The following RBPJ variants were observed in gnomAD, a reference collection of about 807,000 sequenced individuals.
The protein encoded by RBPJ is recombination signal binding protein for immunoglobulin kappa J region.
A neutral mutation model predicts 67.8 loss-of-function variants in RBPJ; 9 were observed. That is an observed-to-expected ratio of 0.13 (90% confidence interval 0.08 to 0.23). The LOEUF (loss-of-function observed/expected upper bound fraction) is 0.23. Among genes scored for constraint, RBPJ ranks in the 10% least tolerant of loss-of-function variants. The pLI is 1.00. For synonymous variants in RBPJ, 198 were observed against 203.3 expected (o/e 0.97, Z 0.22); for missense variants, 305 against 595.6 (o/e 0.51, Z 5.08).
intron 7 of RBPJ, chr4:26,428,508 AC>A: frequency 2.1e-6 from 1 of 470,974 alleles, no homozygotes; most frequent in Non-Finnish European, 3.7e-6. Context: ...GAAGAGGGTA[AC>A]AGTTTCTACA....
At chr4:26,237,828 C>T (rs1036033047) in intron 1 of RBPJ, among the ~76,000 whole-genome samples, 1 of 152,182 alleles carries the variant, frequency 6.6e-6, no homozygotes, top group Non-Finnish European at 1.5e-5. Context: ...CAGCTTGACA[C>T]TTTGAGTTCC....
chr4:26,239,785 T>G (rs1300919582), intron 1 of RBPJ, among the ~76,000 whole-genome samples: 2 of 151,976 alleles, frequency 1.3e-5, no homozygotes, highest in East Asian at 3.9e-4. Context: ...GAGTTAAACT[T>G]TGTTTATGGG....
At chr4:26,163,747 C>T (rs1716150165) in intron 1 of RBPJ, 1 of 152,216 alleles carries the variant, frequency 6.6e-6, no homozygotes, top group Non-Finnish European at 1.5e-5. Context: ...AGTTAACCAA[C>T]TCCTTTACCA....
At chr4:26,408,075 A>C (rs188727070) in intron 3 of RBPJ, among the ~76,000 whole-genome samples, 4 of 151,736 alleles carry the variant, frequency 2.6e-5, no homozygotes, top group African/African-American at 7.3e-5. Flanking sequence ...GGGTTTCACT[A>C]TGCCGTCCAG....
chr4:26,153,791 T>A, the RBPJ span, among the ~76,000 whole-genome samples: 1 of 152,180 alleles, frequency 6.6e-6, no homozygotes. Flanking sequence ...GTGTTTTGAC[T>A]GCAACTCATA....
the RBPJ span, among the ~76,000 whole-genome samples, chr4:26,150,980 A>G: frequency 2.0e-5 from 3 of 152,348 alleles, no homozygotes; most frequent in African/African-American, 4.8e-5. Context: ...AATGGAAAAC[A>G]TGTTCCCCTA....
At chr4:26,152,565 A>G in the RBPJ span, among the ~76,000 whole-genome samples, 1 of 152,238 alleles carries the variant, frequency 6.6e-6, no homozygotes, top group East Asian at 1.9e-4. Context: ...TACTTTCTAC[A>G]TATTATCTTC....
At chr4:26,246,931 G>A (rs1227330913) in intron 1 of RBPJ, among the ~76,000 whole-genome samples, 1 of 149,006 alleles carries the variant, frequency 6.7e-6, no homozygotes, top group Non-Finnish European at 1.5e-5. Context: ...GTAGTTTCTA[G>A]AACTATAGAA....
rs1260553793 is a variant in RBPJ, at chr4:26,433,407, T to C, written c.*2400T>C. The C allele has an allele frequency of 1.3e-5, 2 of 152,210 alleles. No homozygotes were observed. Among genetic ancestry groups the C allele is most frequent in the African/African-American group, 4.8e-5 (2 of 41,438 alleles). The allele number at this position is 152,210 out of a possible 1,614,324, so 9.4% of individuals were successfully genotyped here. ...TTTGGTATTTAGTTAAGGAATCATATTAAATTAACCAATAACAAAAGAGAT... is the reference window on the plus strand; with the variant it reads ...TTTGGTATTTAGTTAAGGAATCATACTAAATTAACCAATAACAAAAGAGAT... On this transcript the variant is annotated 3_prime_UTR_variant, in exon 11 of 11. Coordinates refer to ENST00000355476, the MANE Select transcript of RBPJ (RefSeq NM_015874.6).
intron 1 of RBPJ, among the ~76,000 whole-genome samples, chr4:26,172,312 G>T (rs1716622173): frequency 6.6e-6 from 1 of 152,014 alleles, no homozygotes; most frequent in Admixed American, 6.6e-5. Context: ...AGAAAGAAAG[G>T]GATAGAAAAA....
intron 1 of RBPJ, among the ~76,000 whole-genome samples, chr4:26,255,314 G>A (rs1369198998): frequency 8.4e-6 from 1 of 118,942 alleles, no homozygotes; most frequent in African/African-American, 3.7e-5. Context: ...TGAGGCAGGA[G>A]AATGGCGTGA....
At chr4:26,364,598 C>CT (rs10939108) in intron 1 of RBPJ, among the ~76,000 whole-genome samples, 95 of 125,380 alleles carry the variant, frequency 7.6e-4, no homozygotes, top group Non-Finnish European at 1.3e-3. Flanking sequence ...ATTTGGAAGA[C>CT]TTTTTTTTTT....
At chr4:26,265,512 C>T (rs1021813386) in intron 1 of RBPJ, among the ~76,000 whole-genome samples, 2 of 149,194 alleles carry the variant, frequency 1.3e-5, no homozygotes, top group African/African-American at 4.9e-5. Context: ...GTGAGACAGT[C>T]TCAAAAAAAG....
At chr4:26,324,401 A>AGT (rs56655194) in intron 1 of RBPJ, among the ~76,000 whole-genome samples, 15,399 of 150,022 alleles carry the variant, frequency 0.1, 981 homozygotes, top group East Asian at 0.22. Context: ...GTCGTGTGTG[A>AGT]GTGTGTGTGT....
intron 1 of RBPJ, among the ~76,000 whole-genome samples, chr4:26,279,544 G>A (rs1429919699): frequency 6.6e-6 from 1 of 152,158 alleles, no homozygotes; most frequent in East Asian, 1.9e-4. Context: ...CCAAAGCGTT[G>A]GGATTAAAGG....
At chr4:26,293,321 T>TA (rs1222508398) in intron 1 of RBPJ, among the ~76,000 whole-genome samples, 1 of 150,092 alleles carries the variant, frequency 6.7e-6, no homozygotes, top group East Asian at 2.0e-4. Flanking sequence ...TTTTTTTTTT[T>TA]ATTTTGTTTA....
intron 1 of RBPJ, among the ~76,000 whole-genome samples, chr4:26,348,878 A>G (rs1055030696): frequency 1.3e-5 from 2 of 151,784 alleles, no homozygotes; most frequent in African/African-American, 4.8e-5. Flanking sequence ...CGAATTTTTA[A>G]AATTTTTTGT....
At chr4:26,270,445 AAAGAAAG>A (rs1577375980) in intron 1 of RBPJ, among the ~76,000 whole-genome samples, 1 of 142,686 alleles carries the variant, frequency 7.0e-6, no homozygotes, top group East Asian at 2.0e-4. Flanking sequence ...AAGAAGAAAG[AAAGAAAG>A]AAAGAAAAGA....
At chr4:26,325,754 T>C (rs1371096697) in intron 1 of RBPJ, among the ~76,000 whole-genome samples, 2 of 152,224 alleles carry the variant, frequency 1.3e-5, no homozygotes, top group African/African-American at 4.8e-5. Flanking sequence ...TTCAGTCATA[T>C]TAAAGTATTT....
Sources: gnomAD v4.1 joint callset for allele counts (sites outside exome capture counted in the v4.1 genomes callset) on GRCh38, gnomAD v4.1.1 for gene constraint, MANE v1.5 for transcripts, NCBI Gene and HGNC (gene_info 2026-07-23, HGNC 2026-07-21) for gene names.